The following SHC3 variants were observed in gnomAD, a reference collection of about 807,000 sequenced individuals.
The protein encoded by SHC3 is SHC adaptor protein 3.
Under a neutral mutation model 60.4 loss-of-function variants are expected in SHC3, and 15 were observed. That is an observed-to-expected ratio of 0.25 (90% CI 0.17 to 0.38). SHC3 has a LOEUF of 0.38. Among genes scored for constraint, SHC3 ranks in the 10% least tolerant of loss-of-function variants. SHC3 has a pLI of 1.00. For synonymous variants in SHC3, 294 were observed against 325.9 expected (o/e 0.90, Z 1.05); for missense variants, 677 against 786.1 (o/e 0.86, Z 1.66).
At chr9:89,143,692 T>G (rs1262363260) in intron 1 of SHC3, among the ~76,000 whole-genome samples, 1 of 152,114 alleles carries the variant, frequency 6.6e-6, no homozygotes. Context: ...ACAGGAGAAC[T>G]GGTTGGTCAG....
At position 89,012,955 on chromosome 9, in the gene SHC3, A is replaced by G. The variant is rs1341691162; in HGVS notation, c.*492T>C. The G allele has an allele frequency of 3.9e-5, 6 of 151,928 alleles. No individual in the cohort carries two copies. The highest frequency in any genetic ancestry group is 7.3e-5 in the Non-Finnish European group (5 of 68,028). 9.4% of individuals were successfully genotyped at this position (151,928 alleles called of 1,614,324 possible). ...AGCCATGCCTCAGAACCAGTATCTCATAGCTTTCAGTGCAGGGCTAGGCAT... is the reference window on the plus strand; with the variant it reads ...AGCCATGCCTCAGAACCAGTATCTCGTAGCTTTCAGTGCAGGGCTAGGCAT... On this transcript the variant is annotated 3_prime_UTR_variant, in exon 12 of 12. Coordinates refer to ENST00000375835, the MANE Select transcript of SHC3 (RefSeq NM_016848.6).
At chr9:89,039,615 G>A (rs1824640803) in intron 10 of SHC3, among the ~76,000 whole-genome samples, 1 of 151,128 alleles carries the variant, frequency 6.6e-6, no homozygotes, top group African/African-American at 2.4e-5. Flanking sequence ...ACCACCATCA[G>A]CATCACCGCC....
intron 1 of SHC3, among the ~76,000 whole-genome samples, chr9:89,155,049 C>T (rs1826602419): frequency 6.6e-6 from 1 of 152,180 alleles, no homozygotes; most frequent in South Asian, 2.1e-4. Context: ...AATTCGTTAT[C>T]TACCCTTGAG....
intron 2 of SHC3, among the ~76,000 whole-genome samples, chr9:89,091,092 A>C (rs1015105013): frequency 6.6e-6 from 1 of 152,256 alleles, no homozygotes. Context: ...TATGAAGTAA[A>C]TTCTCCCTAA....
At chr9:89,138,165 G>A (rs1826345212) in intron 1 of SHC3, among the ~76,000 whole-genome samples, 1 of 152,022 alleles carries the variant, frequency 6.6e-6, no homozygotes, top group Non-Finnish European at 1.5e-5. Context: ...TCCTACTGGT[G>A]GAGAGAGCTC....
intron 2 of SHC3, among the ~76,000 whole-genome samples, chr9:89,093,058 A>G (rs1825649019): frequency 6.6e-6 from 1 of 152,232 alleles, no homozygotes; most frequent in African/African-American, 2.4e-5. Flanking sequence ...TTCTATGAAC[A>G]TGGACATACT....
At chr9:89,073,593 C>T (rs1369202550) in intron 4 of SHC3, among the ~76,000 whole-genome samples, 3 of 152,200 alleles carry the variant, frequency 2.0e-5, no homozygotes, top group Admixed American at 2.0e-4. Flanking sequence ...TACCAGTCCC[C>T]TGGGTGTCCA....
chr9:89,138,574 GT>G (rs1826351027), intron 1 of SHC3, among the ~76,000 whole-genome samples: 1 of 152,252 alleles, frequency 6.6e-6, no homozygotes, highest in African/African-American at 2.4e-5. Flanking sequence ...TATGACCTGT[GT>G]CTTGTGCCAA....
intron 1 of SHC3, among the ~76,000 whole-genome samples, chr9:89,159,500 G>C (rs1461740255): frequency 6.6e-6 from 1 of 152,196 alleles, no homozygotes; most frequent in Non-Finnish European, 1.5e-5. Flanking sequence ...TGCCGGGCTT[G>C]AGAGGGCAAA....
At chr9:89,142,484 A>G (rs1826407612) in intron 1 of SHC3, among the ~76,000 whole-genome samples, 1 of 151,954 alleles carries the variant, frequency 6.6e-6, no homozygotes, top group Non-Finnish European at 1.5e-5. Context: ...GAAGTTCAAA[A>G]CCAGCCTGGC....
chr9:89,045,279 CTTTTT>C (rs35967148), intron 9 of SHC3, among the ~76,000 whole-genome samples: 1 of 122,276 alleles, frequency 8.2e-6, no homozygotes, highest in African/African-American at 3.3e-5. Context: ...AACACTGTTG[CTTTTT>C]TTTTTTTTTT....
intron 11 of SHC3, among the ~76,000 whole-genome samples, chr9:89,028,617 T>C (rs1020440021): frequency 2.0e-5 from 3 of 147,282 alleles, no homozygotes; most frequent in Non-Finnish European, 4.5e-5. Flanking sequence ...ATGCTATAGA[T>C]ATAGATTATC....
chr9:89,040,204 T>C (rs377435762), intron 10 of SHC3, among the ~76,000 whole-genome samples: 5 of 142,580 alleles, frequency 3.5e-5, no homozygotes, highest in East Asian at 2.2e-4. Flanking sequence ...AGCAGCATCA[T>C]CACCATCATC....
At chr9:89,163,489 C>CA (rs1326458069) in intron 1 of SHC3, among the ~76,000 whole-genome samples, 8 of 147,548 alleles carry the variant, frequency 5.4e-5, no homozygotes, top group Admixed American at 4.1e-4. Context: ...TAAACTATCG[C>CA]AAGAACAAAA....
At chr9:89,169,155 A>G (rs1018403922) in intron 1 of SHC3, among the ~76,000 whole-genome samples, 1 of 152,172 alleles carries the variant, frequency 6.6e-6, no homozygotes, top group African/African-American at 2.4e-5. Context: ...TATTAAAAAC[A>G]ACTTGGGAGA....
At chr9:89,024,938 G>C (rs933479249) in intron 11 of SHC3, among the ~76,000 whole-genome samples, 3 of 152,186 alleles carry the variant, frequency 2.0e-5, no homozygotes, top group Non-Finnish European at 4.4e-5. Flanking sequence ...ACCCAGGAGG[G>C]GCAGCTGGGG....
At chr9:89,085,804 T>C (rs1825520197) in intron 2 of SHC3, among the ~76,000 whole-genome samples, 1 of 152,158 alleles carries the variant, frequency 6.6e-6, no homozygotes, top group South Asian at 2.1e-4. Context: ...CTCAAGGCAT[T>C]AGAGTTCTAG....
At chr9:89,019,086 A>G (rs193283926) in intron 11 of SHC3, among the ~76,000 whole-genome samples, 1 of 151,964 alleles carries the variant, frequency 6.6e-6, no homozygotes, top group African/African-American at 2.4e-5. Context: ...AAGAATATCT[A>G]CAAAAAAACC....
Position 89,006,945 on chromosome 9 carries a change from C to G in SHC3, c.*6502G>C, listed in dbSNP as rs568361752. On this transcript the variant is annotated 3_prime_UTR_variant, in exon 12 of 12. Transcript: ENST00000375835. ...GATCACATGAGTGGGAATTCATTACCTCAAAGCTCAGGACCACAGCTCCCC... is the reference window on the plus strand; with the variant it reads ...GATCACATGAGTGGGAATTCATTACGTCAAAGCTCAGGACCACAGCTCCCC... The G allele has an allele frequency of 4.1e-4, 62 of 152,306 alleles. No homozygotes were observed. The highest frequency in any genetic ancestry group is 1.4e-3 in the African/African-American group (59 of 41,562). The allele number at this position is 152,306 out of a possible 1,614,324, so 9.4% of individuals were successfully genotyped here. A position where few individuals can be genotyped will look rare whatever the true frequency, so the allele number is the denominator to read the frequency against.
Sources: allele counts gnomAD v4.1 joint callset (sites outside exome capture counted in the v4.1 genomes callset), GRCh38; gene constraint gnomAD v4.1.1; transcripts MANE v1.5; gene names NCBI Gene and HGNC (gene_info 2026-07-23, HGNC 2026-07-21).